CTNNA3: variants seen among roughly 807,000 people sequenced by gnomAD.
The protein encoded by CTNNA3 is catenin alpha 3.
CTNNA3 carries 76 observed loss-of-function variants against 95.7 expected under a neutral mutation model. The observed-to-expected ratio is 0.79, with a 90% confidence interval of 0.66 to 0.96. The LOEUF (loss-of-function observed/expected upper bound fraction) is 0.96, where lower values mean the gene tolerates loss of function less well. Ranked by LOEUF, CTNNA3 falls within the 40% of genes least tolerant of loss-of-function variation. CTNNA3 has a pLI of 0.00. For missense variants in CTNNA3, 1,191 were observed against 1,089.8 expected (o/e 1.09, Z -1.31); for synonymous variants, 431 against 374.4 (o/e 1.15, Z -1.74).
At chr10:66,592,573 T>C (rs1177511443) in intron 10 of CTNNA3, among the ~76,000 whole-genome samples, 2 of 151,988 alleles carry the variant, frequency 1.3e-5, no homozygotes, top group Admixed American at 6.5e-5. Context: ...TCAAAACATA[T>C]AGAATTAAAT....
chr10:67,317,064 A>G (rs975006416), intron 5 of CTNNA3, among the ~76,000 whole-genome samples: 1 of 152,186 alleles, frequency 6.6e-6, no homozygotes, highest in Non-Finnish European at 1.5e-5. Flanking sequence ...TGTTTCAAAA[A>G]CTGTAGATCT....
At chr10:66,564,949 T>C (rs1842660866) in intron 10 of CTNNA3, among the ~76,000 whole-genome samples, 1 of 152,216 alleles carries the variant, frequency 6.6e-6, no homozygotes. Flanking sequence ...TTAGAACCTA[T>C]GTATCTTTGG....
At chr10:66,083,301 T>A (rs932983740) in intron 14 of CTNNA3, among the ~76,000 whole-genome samples, 3 of 152,148 alleles carry the variant, frequency 2.0e-5, no homozygotes, top group African/African-American at 4.8e-5. Flanking sequence ...TTTAAATGGA[T>A]CCTGATGTCT....
intron 12 of CTNNA3, among the ~76,000 whole-genome samples, chr10:66,364,598 C>A (rs2092698756): frequency 6.6e-6 from 1 of 151,960 alleles, no homozygotes; most frequent in Admixed American, 6.6e-5. Context: ...AGCTAAATAG[C>A]AAATAAATTA....
At chr10:65,976,721 G>T (rs1427938626) in intron 16 of CTNNA3, among the ~76,000 whole-genome samples, 2 of 152,110 alleles carry the variant, frequency 1.3e-5, no homozygotes, top group African/African-American at 4.8e-5. Flanking sequence ...TCAGGAGAAT[G>T]CCTCATTCCT....
intron 13 of CTNNA3, among the ~76,000 whole-genome samples, chr10:66,128,150 C>T (rs1379917140): frequency 6.6e-6 from 1 of 152,100 alleles, no homozygotes; most frequent in African/African-American, 2.4e-5. Context: ...CAAGGTAGAA[C>T]ATTAACATAC....
At position 67,607,000 on chromosome 10, in the gene CTNNA3, C is replaced by A. The variant is rs1168458176; in HGVS notation, c.149G>T (p.Gly50Val). 6.2e-7 allele frequency: 1 copy of A among 1,613,960 alleles called. No homozygotes were observed. Among genetic ancestry groups the A allele is most frequent in the African/African-American group, 1.3e-5 (1 of 74,906 alleles). The change falls in exon 3 of 18, where the codon GGA becomes GTA. Residue 50 changes from glycine to valine, a missense_variant. Transcript: ENST00000433211. Reference protein sequence around the residue: ...CPQNPSSRKKGRSKRASVLLA... With the variant: ...CPQNPSSRKKVRSKRASVLLA... The stretch of plus-strand genomic sequence containing the variant: ...AAGGACACTGGCTCTTTTCGAACGT[C>A]CTTTTTTCCTGCTGGAAGGGTTCTG...
chr10:67,457,914 T>A (rs979522432), intron 5 of CTNNA3, among the ~76,000 whole-genome samples: 4 of 152,116 alleles, frequency 2.6e-5, no homozygotes, highest in African/African-American at 9.7e-5. Context: ...GCAGGTCCAT[T>A]GATTAGCAAC....
intron 5 of CTNNA3, among the ~76,000 whole-genome samples, chr10:67,232,630 A>C (rs1865270907): frequency 6.6e-6 from 1 of 151,986 alleles, no homozygotes; most frequent in Non-Finnish European, 1.5e-5. Flanking sequence ...AGCTAACATC[A>C]TAATGACAGG....
Position 66,927,662 on chromosome 10 carries a change from C to A in CTNNA3, c.1048-152138G>T. The A allele has an allele frequency of 6.2e-7, 1 of 1,614,152 alleles. No individual in the cohort carries two copies. On this transcript the variant is annotated intron_variant, in intron 7 of 17. Coordinates refer to ENST00000433211, the MANE Select transcript of CTNNA3 (RefSeq NM_013266.4). This position sits in a 1 kb window ranked among gnomAD's most constrained non-coding sequence, Gnocchi z 4.7. The stretch of plus-strand genomic sequence containing the variant: ...ATCAGTGTCATAGGACAGACCATGT[C>A]CTGGACCTGGAGCTCCTTACAAAGG...
At chr10:66,828,219 G>A (rs950460526) in intron 7 of CTNNA3, among the ~76,000 whole-genome samples, 12 of 152,194 alleles carry the variant, frequency 7.9e-5, no homozygotes, top group African/African-American at 2.7e-4. Flanking sequence ...GGAAAAGCAC[G>A]TGAGCATATG....
At chr10:67,751,833 A>G (rs1468784625) in intron 1 of CTNNA3, among the ~76,000 whole-genome samples, 1 of 149,476 alleles carries the variant, frequency 6.7e-6, no homozygotes, top group East Asian at 2.2e-4. Flanking sequence ...AATAGCTACC[A>G]ACCAAAAAAA....
intron 9 of CTNNA3, among the ~76,000 whole-genome samples, chr10:66,653,082 G>C (rs1013681382): frequency 6.6e-6 from 1 of 152,010 alleles, no homozygotes; most frequent in African/African-American, 2.4e-5. Flanking sequence ...GTTCTTTTCG[G>C]TTCTGTCTAA....
intron 3 of CTNNA3, among the ~76,000 whole-genome samples, chr10:67,551,977 G>A (rs1051334422): frequency 1.8e-4 from 28 of 152,234 alleles, no homozygotes; most frequent in African/African-American, 5.8e-4. Context: ...AATAGAAGGA[G>A]GAAACGGTGA....
chr10:66,727,513 T>C (rs1848817681), intron 9 of CTNNA3, among the ~76,000 whole-genome samples: 1 of 152,146 alleles, frequency 6.6e-6, no homozygotes, highest in South Asian at 2.1e-4. Flanking sequence ...TTTCAGAGGA[T>C]ACTATGATAA....
At chr10:66,937,516 AT>A (rs2132665352) in intron 7 of CTNNA3, among the ~76,000 whole-genome samples, 1 of 152,180 alleles carries the variant, frequency 6.6e-6, no homozygotes. Flanking sequence ...TACACTACCT[AT>A]TTTTATTTTG....
chr10:67,069,277 T>C (rs1856287202), intron 7 of CTNNA3, among the ~76,000 whole-genome samples: 1 of 151,704 alleles, frequency 6.6e-6, no homozygotes, highest in African/African-American at 2.4e-5. Context: ...TTAAAAAGAG[T>C]TTGGATAATC....
intron 7 of CTNNA3, among the ~76,000 whole-genome samples, chr10:66,799,040 C>A (rs1240144225): frequency 1.3e-5 from 2 of 151,526 alleles, no homozygotes; most frequent in South Asian, 2.1e-4. Context: ...AAAGAAAAAA[C>A]CACATGGCTT....
intron 2 of CTNNA3, among the ~76,000 whole-genome samples, chr10:67,620,364 T>TAC (rs1843787989): frequency 6.6e-6 from 1 of 152,040 alleles, no homozygotes; most frequent in African/African-American, 2.4e-5. Flanking sequence ...TGTCCAAAGG[T>TAC]CACCACATGG....
Sources: allele counts gnomAD v4.1 joint callset (sites outside exome capture counted in the v4.1 genomes callset), GRCh38; gene constraint gnomAD v4.1.1; non-coding constraint Gnocchi (gnomAD v3.1); transcripts MANE v1.5; gene names NCBI Gene and HGNC (gene_info 2026-07-23, HGNC 2026-07-21).